Variants in SCRG1 observed in about 807,000 individuals in gnomAD.
SCRG1 encodes the protein stimulator of chondrogenesis 1, also known as scrapie-responsive protein 1.
In SCRG1, 3 loss-of-function variants were observed where a neutral mutation model predicts 7.7. The observed-to-expected ratio is 0.39, with a 90% confidence interval of 0.18 to 1.01. The LOEUF (loss-of-function observed/expected upper bound fraction) is 1.01, where lower values mean the gene tolerates loss of function less well. Among genes scored for constraint, SCRG1 ranks in the 50% least tolerant of loss-of-function variants. The pLI, the probability that SCRG1 is intolerant of heterozygous loss-of-function variation, is 0.36. For missense variants in SCRG1, 110 were observed against 117.2 expected, an observed-to-expected ratio of 0.94 and a Z score of 0.28; for synonymous variants, 46 against 41.2, an observed-to-expected ratio of 1.12 and a Z score of -0.44.
At chr4:173,495,747 C>G in the SCRG1 span, among the ~76,000 whole-genome samples, 1 of 152,232 alleles carries the variant, frequency 6.6e-6, no homozygotes, top group Non-Finnish European at 1.5e-5. Context: ...GTGTCATCCT[C>G]ATATCCAGCA....
At chr4:173,503,006 G>A in the SCRG1 span, among the ~76,000 whole-genome samples, 2 of 152,190 alleles carry the variant, frequency 1.3e-5, no homozygotes, top group African/African-American at 2.4e-5. The surrounding 1 kb of genome is among the most constrained non-coding windows in gnomAD (Gnocchi z 6.4). Flanking sequence ...TGCTCTGAGA[G>A]CACCTAGCAC....
chr4:173,423,658 CTT>C, the SCRG1 span, among the ~76,000 whole-genome samples: 69,712 of 150,892 alleles, frequency 0.46, 17,761 homozygotes, highest in East Asian at 0.61. Flanking sequence ...TCTTTTATCT[CTT>C]TTTTTTTAAT....
upstream of SCRG1, among the ~76,000 whole-genome samples, chr4:173,407,450 A>C (rs1012067462): frequency 2.7e-5 from 4 of 147,480 alleles, no homozygotes; most frequent in Non-Finnish European, 6.0e-5. Context: ...CAGAAGAATC[A>C]CTTGAACTTG....
At chr4:173,453,621 G>C in the SCRG1 span, among the ~76,000 whole-genome samples, 1 of 152,150 alleles carries the variant, frequency 6.6e-6, no homozygotes, top group African/African-American at 2.4e-5. Context: ...TCTATACATA[G>C]AAAAGGTACA....
chr4:173,394,210 G>A (rs28757390), intron 1 of SCRG1, among the ~76,000 whole-genome samples: 3,374 of 151,668 alleles, frequency 0.022, 56 homozygotes, highest in African/African-American at 0.051. Flanking sequence ...CCCCTGCCTT[G>A]TCTTCCTTTG....
the SCRG1 span, among the ~76,000 whole-genome samples, chr4:173,515,435 CTT>C: frequency 1.4e-5 from 2 of 139,814 alleles, no homozygotes; most frequent in Admixed American, 7.1e-5. This position sits in a 1 kb window ranked among gnomAD's most constrained non-coding sequence, Gnocchi z 4.6. Context: ...AAAAAAAAAA[CTT>C]TAAGTTCAGG....
At chr4:173,482,799 C>A in the SCRG1 span, among the ~76,000 whole-genome samples, 1 of 149,608 alleles carries the variant, frequency 6.7e-6, no homozygotes, top group South Asian at 2.1e-4. Flanking sequence ...GCCTGGGTGA[C>A]AAAGTGAGAC....
chr4:173,429,445 A>T, the SCRG1 span, among the ~76,000 whole-genome samples: 1 of 152,136 alleles, frequency 6.6e-6, no homozygotes. Context: ...GGTCCATACC[A>T]CCATGCCTGG....
the SCRG1 span, among the ~76,000 whole-genome samples, chr4:173,506,220 T>G: frequency 1.3e-5 from 2 of 152,216 alleles, no homozygotes; most frequent in African/African-American, 4.8e-5. The surrounding 1 kb of genome is among the most constrained non-coding windows in gnomAD (Gnocchi z 5.3). Context: ...CCTGTGGGTA[T>G]TTTAGAGGAA....
At chr4:173,468,385 T>A in the SCRG1 span, 1 of 152,188 alleles carries the variant, frequency 6.6e-6, no homozygotes, top group Non-Finnish European at 1.5e-5. Context: ...TTTGTGTAAG[T>A]ACACTCTGTG....
chr4:173,480,300 A>G, the SCRG1 span, among the ~76,000 whole-genome samples: 1 of 152,186 alleles, frequency 6.6e-6, no homozygotes, highest in South Asian at 2.1e-4. Flanking sequence ...GGGGCCTTCT[A>G]TAAGACAGGC....
At chr4:173,483,945 CAT>C in the SCRG1 span, among the ~76,000 whole-genome samples, 1 of 18,026 alleles carries the variant, frequency 5.5e-5, no homozygotes, top group Non-Finnish European at 1.3e-4. Flanking sequence ...TAATATAAAT[CAT>C]ATATAATATA....
At chr4:173,444,283 C>CT in the SCRG1 span, among the ~76,000 whole-genome samples, 2 of 152,074 alleles carry the variant, frequency 1.3e-5, no homozygotes, top group African/African-American at 2.4e-5. Flanking sequence ...CAAGAGCTTG[C>CT]TTTTTTTAGA....
chr4:173,516,868 C>T, the SCRG1 span, among the ~76,000 whole-genome samples: 1 of 152,218 alleles, frequency 6.6e-6, no homozygotes, highest in East Asian at 1.9e-4. Context: ...CAAAGCCCTA[C>T]TTTGCTTCCC....
chr4:173,479,846 T>G, the SCRG1 span, among the ~76,000 whole-genome samples: 19 of 152,252 alleles, frequency 1.2e-4, no homozygotes, highest in African/African-American at 4.6e-4. Context: ...AAAATATATC[T>G]TAATAGTAAA....
intron 2 of SCRG1, chr4:173,389,866 C>A: frequency 2.3e-6 from 1 of 434,562 alleles, no homozygotes; most frequent in Non-Finnish European, 4.7e-6. Context: ...TCACAGATTT[C>A]TTAGAAGGAT....
At chr4:173,499,676 C>T in the SCRG1 span, among the ~76,000 whole-genome samples, 1 of 152,202 alleles carries the variant, frequency 6.6e-6, no homozygotes, top group Non-Finnish European at 1.5e-5. This position sits in a 1 kb window ranked among gnomAD's most constrained non-coding sequence, Gnocchi z 4.1. Flanking sequence ...AAGTCCTTTC[C>T]TAGGACAGAT....
intron 1 of SCRG1, among the ~76,000 whole-genome samples, chr4:173,397,381 C>A (rs1739636602): frequency 6.6e-6 from 1 of 151,844 alleles, no homozygotes; most frequent in Admixed American, 6.6e-5. Context: ...CTGGAATACA[C>A]CCAAATTACA....
intron 2 of SCRG1, among the ~76,000 whole-genome samples, chr4:173,390,535 C>T (rs1739400198): frequency 6.8e-6 from 1 of 147,130 alleles, no homozygotes; most frequent in Non-Finnish European, 1.5e-5. Context: ...TGCAATGGTG[C>T]GATCTCGGCT....
Sources: gnomAD v4.1 joint callset for allele counts (sites outside exome capture counted in the v4.1 genomes callset) on GRCh38, gnomAD v4.1.1 for gene constraint, Gnocchi (gnomAD v3.1) non-coding constraint, MANE v1.5 for transcripts, NCBI Gene and HGNC (gene_info 2026-07-23, HGNC 2026-07-21) for gene names.